The following GRAMD1B variants were observed in gnomAD, a reference collection of about 807,000 sequenced individuals.
GRAMD1B encodes the protein GRAM domain containing 1B.
Under a neutral mutation model 99.7 loss-of-function variants are expected in GRAMD1B, and 37 were observed. That is an observed-to-expected ratio of 0.37 (90% CI 0.29 to 0.49). The LOEUF (loss-of-function observed/expected upper bound fraction) is 0.49. Among genes scored for constraint, GRAMD1B ranks in the 20% least tolerant of loss-of-function variants. The probability of loss-of-function intolerance (pLI) is 0.98; values close to 1 mark genes in which losing one functional copy is unlikely to be tolerated. For synonymous variants in GRAMD1B, 427 were observed against 387.6 expected (o/e 1.10, Z -1.19); for missense variants, 888 against 1,009.2 (o/e 0.88, Z 1.63).
rs1039328464 is a variant in GRAMD1B, at chr11:123,555,311, T to A, written c.453-22056T>A. Reference sequence around the variant, plus strand: ...CACCTTTTGCCTTGTAGATGTTTATTTATGGAAGTAGCATGGTATGGTGAA... The same window carrying A: ...CACCTTTTGCCTTGTAGATGTTTATATATGGAAGTAGCATGGTATGGTGAA... On this transcript the variant is annotated intron_variant, in intron 2 of 19. Transcript: ENST00000635736. Among the ~76,000 whole-genome samples the A allele has an allele frequency of 6.6e-5, 10 of 152,136 alleles. No homozygotes were observed. The South Asian group carries it at 2.1e-3, about 32-fold the overall frequency.
intron 14 of GRAMD1B, among the ~76,000 whole-genome samples, chr11:123,612,115 C>T (rs1953679853): frequency 6.6e-6 from 1 of 151,764 alleles, no homozygotes. Flanking sequence ...GAGACAGGAT[C>T]TCACTCTCTT....
At chr11:123,430,260 CCTCT>C (rs34538887), upstream of GRAMD1B, 19 of 143,404 alleles carry the variant, frequency 1.3e-4, no homozygotes, top group East Asian at 2.1e-4. Context: ...TGTCTCGCTT[CCTCT>C]CTCTCTCTCT....
intron 2 of GRAMD1B, chr11:123,526,059 C>G (rs544581118): frequency 1.8e-6 from 2 of 1,115,424 alleles, no homozygotes; most frequent in African/African-American, 3.0e-5. Context: ...TCTTTTGGGA[C>G]TTCGTCATCT....
At chr11:123,449,467 C>T (rs1949782526) in intron 1 of GRAMD1B, among the ~76,000 whole-genome samples, 3 of 152,162 alleles carry the variant, frequency 2.0e-5, no homozygotes, top group Non-Finnish European at 4.4e-5. Context: ...CTTCATATGC[C>T]ATTTATGTAA....
intron 2 of GRAMD1B, among the ~76,000 whole-genome samples, chr11:123,532,295 G>T (rs1012140010): frequency 6.6e-6 from 1 of 152,334 alleles, no homozygotes; most frequent in East Asian, 1.9e-4. Context: ...GGTCAGGGTG[G>T]GGTGGGGAGG....
intron 2 of GRAMD1B, among the ~76,000 whole-genome samples, chr11:123,530,942 G>A (rs1042229525): frequency 5.3e-5 from 8 of 152,080 alleles, no homozygotes; most frequent in African/African-American, 1.9e-4. Context: ...TTGAAAGTGG[G>A]ATTAAATGAG....
intron 2 of GRAMD1B, among the ~76,000 whole-genome samples, chr11:123,516,752 T>A (rs1364334836): frequency 6.6e-6 from 1 of 152,232 alleles, no homozygotes; most frequent in African/African-American, 2.4e-5. Context: ...TAAGCGTCTC[T>A]TAGAGACTTG....
chr11:123,467,537 A>G (rs17127396), intron 1 of GRAMD1B, among the ~76,000 whole-genome samples: 36,812 of 151,684 alleles, frequency 0.24, 4,986 homozygotes, highest in East Asian at 0.47. Flanking sequence ...GAATTGGACC[A>G]CAACTTTGAC....
intron 2 of GRAMD1B, chr11:123,491,559 G>T (rs891127944): frequency 4.2e-6 from 1 of 239,760 alleles, no homozygotes; most frequent in Admixed American, 5.6e-5. Flanking sequence ...CTCACCAAGT[G>T]CCCAGAGCTC....
chr11:123,611,832 T>C (rs1148086), intron 14 of GRAMD1B, among the ~76,000 whole-genome samples: 60,313 of 145,002 alleles, frequency 0.42, 12,401 homozygotes, highest in South Asian at 0.57. Context: ...GGGATGAGGC[T>C]GGGCTGGCAG....
At chr11:123,360,938 T>C (rs1946127324) in intron 1 of GRAMD1B, among the ~76,000 whole-genome samples, 1 of 152,062 alleles carries the variant, frequency 6.6e-6, no homozygotes, top group South Asian at 2.1e-4. Context: ...TGCCTCAGCC[T>C]CCCGAGTAGC....
chr11:123,409,298 AG>A (rs1947959216), intron 1 of GRAMD1B, among the ~76,000 whole-genome samples: 1 of 152,226 alleles, frequency 6.6e-6, no homozygotes, highest in Non-Finnish European at 1.5e-5. Flanking sequence ...TCTACAAAGT[AG>A]CATCCCACCT....
At chr11:123,379,344 G>A (rs1413497321) in intron 1 of GRAMD1B, among the ~76,000 whole-genome samples, 2 of 152,116 alleles carry the variant, frequency 1.3e-5, no homozygotes, top group African/African-American at 2.4e-5. Flanking sequence ...TGACAAGGCA[G>A]GCCATTGGAT....
chr11:123,564,313 A>T (rs376558641), intron 2 of GRAMD1B, among the ~76,000 whole-genome samples: 1 of 152,204 alleles, frequency 6.6e-6, no homozygotes, highest in East Asian at 1.9e-4. Context: ...TGTCTCAGAG[A>T]TGCTACTGCT....
intron 2 of GRAMD1B, among the ~76,000 whole-genome samples, chr11:123,574,294 A>G (rs1166241648): frequency 6.6e-6 from 1 of 152,184 alleles, no homozygotes; most frequent in Non-Finnish European, 1.5e-5. Flanking sequence ...ATTTACTTTT[A>G]GCAGAGAACT....
intron 1 of GRAMD1B, among the ~76,000 whole-genome samples, chr11:123,457,832 C>T (rs1950228912): frequency 6.6e-6 from 1 of 152,196 alleles, no homozygotes; most frequent in Admixed American, 6.5e-5. Flanking sequence ...CCTCCTACCT[C>T]AGCTTCTGAG....
At chr11:123,411,486 T>C (rs986716703) in intron 1 of GRAMD1B, among the ~76,000 whole-genome samples, 37 of 152,270 alleles carry the variant, frequency 2.4e-4, no homozygotes, top group African/African-American at 8.2e-4. Flanking sequence ...GAAATCATAA[T>C]GTCAGCTCTG....
chr11:123,453,215 G>A (rs1949965323), intron 1 of GRAMD1B, among the ~76,000 whole-genome samples: 2 of 151,008 alleles, frequency 1.3e-5, no homozygotes, highest in South Asian at 4.2e-4. Context: ...AAAATACAGT[G>A]GAATATATAC....
At chr11:123,440,735 G>A (rs1006583249) in intron 1 of GRAMD1B, among the ~76,000 whole-genome samples, 15 of 152,176 alleles carry the variant, frequency 9.9e-5, no homozygotes, top group African/African-American at 3.1e-4. Context: ...GAAGCATGGT[G>A]CCAGTATCTG....
Sources: allele counts gnomAD v4.1 joint callset (sites outside exome capture counted in the v4.1 genomes callset), GRCh38; gene constraint gnomAD v4.1.1; transcripts MANE v1.5; gene names NCBI Gene and HGNC (gene_info 2026-07-23, HGNC 2026-07-21).